Variants in SMIM15 observed in about 807,000 individuals in gnomAD.
The protein encoded by SMIM15 is small integral membrane protein 15.
In SMIM15, 5 loss-of-function variants were observed where a neutral mutation model predicts 6.8. The ratio of observed to expected loss-of-function variants is 0.74; its 90% CI spans 0.39 to 1.56. The LOEUF (loss-of-function observed/expected upper bound fraction) is 1.56, where lower values mean the gene tolerates loss of function less well. SMIM15 is among the 40% of genes most tolerant of loss of function. SMIM15 has a pLI of 0.03. For missense variants in SMIM15, 81 were observed against 84.8 expected, an observed-to-expected ratio of 0.96 and a Z score of 0.18; for synonymous variants, 30 against 30.8, an observed-to-expected ratio of 0.97 and a Z score of 0.09.
chr5:61,157,814 T>C lies in SMIM15; in HGVS notation c.*2133A>G, dbSNP rs962890039. 5 of 152,146 alleles carry C rather than the reference T, an allele frequency of 3.3e-5. No individual in the cohort carries two copies. Among genetic ancestry groups the C allele is most frequent in the Non-Finnish European group, 5.9e-5 (4 of 68,034 alleles). 9.4% of individuals were successfully genotyped at this position (152,146 alleles called of 1,614,324 possible). On this transcript the variant is annotated 3_prime_UTR_variant, in exon 3 of 3. Transcript: ENST00000339020. ...TCCCCCAAGACCAGCTTTAGAATGG[T>C]AATTGATTGTACTTAGTTCTCAGAA...
In SMIM15 at chr5:61,159,504, C is replaced by A; in HGVS notation, c.*443G>T. The A allele has an allele frequency of 6.0e-6, 1 of 166,826 alleles. No homozygotes were observed. Among genetic ancestry groups the A allele is most frequent in the Non-Finnish European group, 1.3e-5 (1 of 75,850 alleles). The allele number at this position is 166,826 out of a possible 1,614,324, so 10.3% of individuals were successfully genotyped here. On this transcript the variant is annotated 3_prime_UTR_variant, in exon 3 of 3. Transcript: ENST00000339020. ...AAAGATGTAATTAATATACTGTATCCCTTTTAAGCCAAAGCACACTTTTTA... is the reference window on the plus strand; with the variant it reads ...AAAGATGTAATTAATATACTGTATCACTTTTAAGCCAAAGCACACTTTTTA...
chr5:61,159,943 T>C lies in SMIM15; in HGVS notation c.*4A>G. The C allele has an allele frequency of 6.2e-7, 1 of 1,612,170 alleles. No individual in the cohort carries two copies. Among genetic ancestry groups the C allele is most frequent in the Admixed American group, 1.7e-5 (1 of 60,008 alleles). ...TCCTCTGGTTGCAAAGCCTGTTCAG[T>C]CCTTCAATCCTTTTTTAGTCGTTTA... On this transcript the variant is annotated 3_prime_UTR_variant, in exon 3 of 3. Transcript: ENST00000339020.
In SMIM15 at chr5:61,158,468, G is replaced by A. The variant is rs1323806569; in HGVS notation, c.*1479C>T. The A allele has an allele frequency of 1.3e-5, 2 of 151,620 alleles. No individual in the cohort carries two copies. Among genetic ancestry groups the A allele is most frequent in the East Asian group, 3.9e-4 (2 of 5,182 alleles). The allele number at this position is 151,620 out of a possible 1,614,324, so 9.4% of individuals were successfully genotyped here. A position where few individuals can be genotyped will look rare whatever the true frequency, so the allele number is the denominator to read the frequency against. On this transcript the variant is annotated 3_prime_UTR_variant, in exon 3 of 3. Transcript: ENST00000339020. ...AACTGGTCCATAAACATTCTCAGTG[G>A]TCCTTAGGTTCTGAGAGATACAGTC...
chr5:61,161,342 T>C (rs1484947818), intron 1 of SMIM15, 115 bp from the exon 2 acceptor site: 4 of 152,212 alleles, frequency 2.6e-5, no homozygotes, highest in Non-Finnish European at 5.9e-5. Context: ...CTATATGACA[T>C]CTAAAATTGC....
rs1339530748 is a variant in SMIM15, at chr5:61,158,257, A to C, written c.*1690T>G. On this transcript the variant is annotated 3_prime_UTR_variant, in exon 3 of 3. Transcript: ENST00000339020. ...CCTTTGCTTCAATACTTTTACTCTA[A>C]AATGTGACCCTAAGTAAAACATGTA... The C allele has an allele frequency of 6.6e-6, 1 of 152,164 alleles. No homozygotes were observed. The highest frequency in any genetic ancestry group is 2.4e-5 in the African/African-American group (1 of 41,424). The allele number at this position is 152,164 out of a possible 1,614,324, so 9.4% of individuals were successfully genotyped here.
In SMIM15 at chr5:61,162,195, T is replaced by C. The variant is rs1162241272; in HGVS notation, c.-169+22A>G. 5 of 152,422 alleles carry C rather than the reference T, an allele frequency of 3.3e-5. No homozygotes were observed. Among genetic ancestry groups the C allele is most frequent in the Admixed American group, 2.6e-4 (4 of 15,286 alleles). 9.4% of individuals were successfully genotyped at this position (152,422 alleles called of 1,614,324 possible). The stretch of plus-strand genomic sequence containing the variant: ...TTCCCTTATTCCTTACGTTTCTCCC[T>C]TGCTCACTCTTCCCTCCTTACCCTA... On this transcript the variant is annotated intron_variant, in intron 1 of 2. Transcript: ENST00000339020. This position sits in a 1 kb window ranked among gnomAD's most constrained non-coding sequence, Gnocchi z 4.4.
Position 61,159,959 on chromosome 5 carries a change from T to C in SMIM15, c.213A>G (p.Leu71=), listed in dbSNP as rs754404751. The C allele has an allele frequency of 2.5e-5, 40 of 1,612,658 alleles. 1 individual carries two copies. The South Asian group carries it at 3.3e-4, about 13-fold the overall frequency. The change falls in exon 3 of 3, where the codon CTA becomes CTG. Residue 71 remains leucine (L), a synonymous_variant. Coordinates refer to ENST00000339020, the MANE Select transcript of SMIM15 (RefSeq NM_001048249.4). ...CCTGTTCAGTCCTTCAATCCTTTTT[T>C]AGTCGTTTAGCTTTTGCAATGTTTT... is the stretch of plus-strand genomic sequence containing the variant. ...RQENIAKAKR[L]KKD
rs1230847916 is a variant in SMIM15, at chr5:61,162,078, T to A, written c.-169+139A>T. ...ATCCTACTCTTCCGCCCAAAACGGA[T>A]CGACCAGGCTCGATCTCCCAACCAG... On this transcript the variant is annotated intron_variant, in intron 1 of 2. Transcript: ENST00000339020. This position sits in a 1 kb window ranked among gnomAD's most constrained non-coding sequence, Gnocchi z 4.4. The A allele has an allele frequency of 6.6e-6, 1 of 152,258 alleles. No homozygotes were observed. The highest frequency in any genetic ancestry group is 1.5e-5 in the Non-Finnish European group (1 of 68,110). The allele number at this position is 152,258 out of a possible 1,614,324, so 9.4% of individuals were successfully genotyped here. A position where few individuals can be genotyped will look rare whatever the true frequency, so the allele number is the denominator to read the frequency against.
At chr5:61,161,785 A>G (rs1222408766) in intron 1 of SMIM15, among the ~76,000 whole-genome samples, 1 of 152,122 alleles carries the variant, frequency 6.6e-6, no homozygotes, top group East Asian at 1.9e-4. Flanking sequence ...CTTCCCCACG[A>G]TTTTCAACTG....
rs749555040 is a variant in SMIM15 at position 61,158,149 on chromosome 5, C to CA, written c.*1797dup. 7.2e-5 allele frequency: 11 copies of CA among 151,992 alleles called. No individual in the cohort carries two copies. In the East Asian group the frequency reaches 1.2e-3, roughly 16 times the overall value. 9.4% of individuals were successfully genotyped at this position (151,992 alleles called of 1,614,324 possible). On this transcript the variant is annotated 3_prime_UTR_variant, in exon 3 of 3. Coordinates refer to ENST00000339020, the MANE Select transcript of SMIM15 (RefSeq NM_001048249.4). Reference sequence around the variant, plus strand: ...TTAAGACTAATAAATTATAGAAAAACAGACCTTTAAATACCTTTAAGTTGT... The same window carrying CA: ...TTAAGACTAATAAATTATAGAAAAACAAGACCTTTAAATACCTTTAAGTTGT...
At chr5:61,161,805 G>C (rs536087856) in intron 1 of SMIM15, among the ~76,000 whole-genome samples, 2 of 152,176 alleles carry the variant, frequency 1.3e-5, no homozygotes. Context: ...GAACACACAT[G>C]AAAGTGCCTA....
rs75739306 is a variant in SMIM15 at position 61,160,280 on chromosome 5, C to T, written c.-28-81G>A. 2,055 of 978,586 alleles carry T rather than the reference C, an allele frequency of 2.1e-3. 33 individuals carry two copies. In the African/African-American group the frequency reaches 0.03, roughly 14 times the overall value. 60.6% of individuals were successfully genotyped at this position (978,586 alleles called of 1,614,324 possible). Reference sequence around the variant, plus strand: ...GTTAATCAAATTTTGAAAAAGTTTCCTCACACAACCAGTTAACTCAGGATT... The same window carrying T: ...GTTAATCAAATTTTGAAAAAGTTTCTTCACACAACCAGTTAACTCAGGATT... On this transcript the variant is annotated intron_variant, in intron 2 of 2. Transcript: ENST00000339020.
rs776846367 is a variant in SMIM15 at position 61,158,019 on chromosome 5, A to ACACACACT, written c.*1927_*1928insAGTGTGTG. 6.6e-6 allele frequency: 1 copy of ACACACACT among 151,884 alleles called. No homozygotes were observed. The highest frequency in any genetic ancestry group is 1.5e-5 in the Non-Finnish European group (1 of 67,976). The allele number at this position is 151,884 out of a possible 1,614,324, so 9.4% of individuals were successfully genotyped here. On this transcript the variant is annotated 3_prime_UTR_variant, in exon 3 of 3. Transcript: ENST00000339020. ...CACACACACACACACACACACACACACACACTGTAAAGTATGAATCTCACA... is the reference window on the plus strand; with the variant it reads ...CACACACACACACACACACACACACACACACACTCACACTGTAAAGTATGAATCTCACA...
At position 61,158,412 on chromosome 5, in the gene SMIM15, A is replaced by G. The variant is rs1021396094; in HGVS notation, c.*1535T>C. ...ACACTGGCACCAAGTAGAGACTGAT[A>G]ATCTAAAAGAATAGCATTAAGTGTT... On this transcript the variant is annotated 3_prime_UTR_variant, in exon 3 of 3. Coordinates refer to ENST00000339020, the MANE Select transcript of SMIM15 (RefSeq NM_001048249.4). 2 of 152,154 alleles carry G rather than the reference A, an allele frequency of 1.3e-5. No individual in the cohort carries two copies. Among genetic ancestry groups the G allele is most frequent in the African/African-American group, 2.4e-5 (1 of 41,436 alleles). 9.4% of individuals were successfully genotyped at this position (152,154 alleles called of 1,614,324 possible).
chr5:61,161,281 T>A (rs1217386199), intron 1 of SMIM15, 54 bp from the exon 2 acceptor site: 2 of 152,224 alleles, frequency 1.3e-5, no homozygotes, highest in Non-Finnish European at 2.9e-5. Flanking sequence ...AATTTCAGGA[T>A]AATTGTAATA....
In SMIM15 at chr5:61,159,945, C is replaced by T. The variant is rs767657454; in HGVS notation, c.*2G>A. On this transcript the variant is annotated 3_prime_UTR_variant, in exon 3 of 3. Coordinates refer to ENST00000339020, the MANE Select transcript of SMIM15 (RefSeq NM_001048249.4). The stretch of plus-strand genomic sequence containing the variant: ...CTCTGGTTGCAAAGCCTGTTCAGTC[C>T]TTCAATCCTTTTTTAGTCGTTTAGC... 50 of 1,612,220 alleles carry T rather than the reference C, an allele frequency of 3.1e-5. 2 individuals are homozygous for T. In the South Asian group the frequency reaches 4.7e-4, roughly 15 times the overall value.
At chr5:61,161,250 A>G in intron 1 of SMIM15, 23 bp from the exon 2 acceptor site, 1 of 152,236 alleles carries the variant, frequency 6.6e-6, no homozygotes, top group East Asian at 1.9e-4. Flanking sequence ...AATACAAAAA[A>G]TAAAACAAAA....
intron 1 of SMIM15, among the ~76,000 whole-genome samples, chr5:61,161,509 G>A (rs1741416012): frequency 6.6e-6 from 1 of 152,088 alleles, no homozygotes; most frequent in South Asian, 2.1e-4. Context: ...CGGGAGACAA[G>A]TTGGCTCACT....
At position 61,160,038 on chromosome 5, in the gene SMIM15, G is replaced by T; in HGVS notation, c.134C>A (p.Ala45Asp). ...CTTCTCCCTGGCCTCAATCATCTTG[G>T]CCAATTTCCAAGACAGTACAGCACT... ...LASAVLSWKLAKMIEAREKEQ... is the reference protein window; with the variant it reads ...LASAVLSWKLDKMIEAREKEQ... The change falls in exon 3 of 3, where the codon GCC becomes GAC. Residue 45 changes from alanine (A) to aspartate (D), a missense_variant. By Grantham distance (126) the Ala-to-Asp change is moderately radical. Transcript: ENST00000339020. 6.2e-7 allele frequency: 1 copy of T among 1,614,008 alleles called. No individual in the cohort carries two copies. The highest frequency in any genetic ancestry group is 8.5e-7 in the Non-Finnish European group (1 of 1,180,004).
Sources: gnomAD v4.1 joint callset for allele counts (sites outside exome capture counted in the v4.1 genomes callset) on GRCh38, gnomAD v4.1.1 for gene constraint, Gnocchi (gnomAD v3.1) non-coding constraint, MANE v1.5 for transcripts, NCBI Gene and HGNC (gene_info 2026-07-23, HGNC 2026-07-21) for gene names.